Variants in PWWP2A observed in about 807,000 individuals in gnomAD.
PWWP2A encodes the protein PWWP domain containing 2A, also known as PWWP domain-containing protein 2A.
PWWP2A carries 18 observed loss-of-function variants against 48.5 expected under a neutral mutation model. The ratio of observed to expected loss-of-function variants is 0.37; its 90% confidence interval spans 0.26 to 0.55. The LOEUF is 0.55. PWWP2A is among the 20% of genes least tolerant of loss of function. The probability of loss-of-function intolerance (pLI) is 0.81; values close to 1 mark genes in which losing one functional copy is unlikely to be tolerated. For missense variants in PWWP2A, 867 were observed against 976.4 expected (o/e 0.89, Z 1.49); for synonymous variants, 396 against 387.7 (o/e 1.02, Z -0.25).
In PWWP2A at chr5:160,110,473, G is replaced by A. The variant is rs111914747; in HGVS notation, c.584+8332C>T. On this transcript the variant is annotated intron_variant, in intron 1 of 1. Transcript: ENST00000307063. ...TGTAATCCCAGCACTTTGGGAGGCC[G>A]CGGCAGATGGATCACCTAAGGTCGG... Among the ~76,000 whole-genome samples, 537 of 151,938 alleles carry A rather than the reference G, an allele frequency of 3.5e-3. 1 individual carries two copies. The highest frequency in any genetic ancestry group is 0.013 in the African/African-American group (522 of 41,422).
chr5:160,053,526 T>C, the PWWP2A span, among the ~76,000 whole-genome samples: 8 of 152,116 alleles, frequency 5.3e-5, no homozygotes, highest in African/African-American at 1.7e-4. Context: ...ATGATGCCAC[T>C]GCACTCAAGC....
At chr5:160,065,797 G>A (rs895446845) in intron 4 of PWWP2A, among the ~76,000 whole-genome samples, 1 of 152,200 alleles carries the variant, frequency 6.6e-6, no homozygotes, top group Non-Finnish European at 1.5e-5. Context: ...ATCTGTGTTT[G>A]ACCAAATGTT....
downstream of PWWP2A, among the ~76,000 whole-genome samples, chr5:160,074,330 C>T (rs1222346420): frequency 3.3e-5 from 5 of 151,176 alleles, no homozygotes; most frequent in Non-Finnish European, 7.4e-5. Context: ...CCCAGCTATT[C>T]GGGAGGCTGA....
At chr5:160,070,125 C>T (rs1000864604) in intron 2 of PWWP2A, among the ~76,000 whole-genome samples, 13 of 152,130 alleles carry the variant, frequency 8.5e-5, no homozygotes, top group African/African-American at 2.9e-4. Flanking sequence ...TCATTTTACT[C>T]ATGGATCCAT....
In PWWP2A at chr5:160,119,342, C is replaced by T. The variant is rs1338041314; in HGVS notation, c.47G>A (p.Gly16Glu). ...CTCGGCCTCGCCGGCGCCCCCCTCC[C>T]CGGGGGACGCTGCAGTCGCTGCCGC... is the stretch of plus-strand genomic sequence containing the variant. Reference protein sequence around the residue: ...AEAAATAASPGEGGAGEAEPE... With the variant: ...AEAAATAASPEEGGAGEAEPE... Residue 16 changes from glycine (G) to glutamate (E), a missense_variant, in exon 1 of 2, where the codon GGG becomes GAG. Around this residue, in one of 4 missense-constraint regions of PWWP2A, gnomAD observed 385 missense variants for 396.9 expected, o/e 0.97. Coordinates refer to ENST00000307063, the MANE Select transcript of PWWP2A (RefSeq NM_001130864.2). The T allele has an allele frequency of 7.2e-7, 1 of 1,389,066 alleles. No homozygotes were observed. Among genetic ancestry groups the T allele is most frequent in the South Asian group, 1.6e-5 (1 of 62,674 alleles). 86.0% of individuals were successfully genotyped at this position (1,389,066 alleles called of 1,614,324 possible). A position where few individuals can be genotyped will look rare whatever the true frequency, so the allele number is the denominator to read the frequency against.
rs1168608718 is a variant in PWWP2A at position 160,092,708 on chromosome 5, G to A, written c.1942C>T (p.Pro648Ser). ...CCTACACATATGGTCCTGCCATCTGGTGTGACGCATTTAGAGACGTTTTTG... is the reference window on the plus strand; with the variant it reads ...CCTACACATATGGTCCTGCCATCTGATGTGACGCATTTAGAGACGTTTTTG... ...FSKNVSKCVT[P>S]DGRTICVGDI... Residue 648 changes from proline to serine, a missense_variant, in exon 2 of 2, where the codon CCA becomes TCA. Physicochemically the swap from Pro to Ser is moderately conservative, Grantham distance 74 (BLOSUM62 -1). Coordinates refer to ENST00000307063, the MANE Select transcript of PWWP2A (RefSeq NM_001130864.2). The A allele has an allele frequency of 2.6e-6, 4 of 1,551,666 alleles. No individual in the cohort carries two copies. The Admixed American group carries it at 7.8e-5, about 30-fold the overall frequency.
chr5:160,083,005 A>G (rs1480057999), intron 2 of PWWP2A, among the ~76,000 whole-genome samples: 1 of 152,220 alleles, frequency 6.6e-6, no homozygotes, highest in African/African-American at 2.4e-5. Context: ...AAAGCCCACA[A>G]TTAAAAACTA....
At chr5:160,055,017 G>A in the PWWP2A span, among the ~76,000 whole-genome samples, 2 of 152,162 alleles carry the variant, frequency 1.3e-5, no homozygotes. Flanking sequence ...CCTTATGGGA[G>A]GAGTGCCTTC....
At chr5:160,104,138 A>AAAAAAAAAG (rs1756613943) in intron 1 of PWWP2A, among the ~76,000 whole-genome samples, 1 of 150,478 alleles carries the variant, frequency 6.6e-6, no homozygotes, top group Non-Finnish European at 1.5e-5. Flanking sequence ...AAAAAAAAAA[A>AAAAAAAAAG]AAGAAATGAA....
chr5:160,068,142 C>T (rs1753657647), intron 2 of PWWP2A, among the ~76,000 whole-genome samples: 1 of 152,162 alleles, frequency 6.6e-6, no homozygotes, highest in Non-Finnish European at 1.5e-5. Context: ...GATCATGCCA[C>T]TGCAGTCCAG....
chr5:160,061,921 A>C (rs1065118), exon 6 of PWWP2A: 85,571 of 151,596 alleles, frequency 0.56, 24,208 homozygotes, highest in African/African-American at 0.61. Context: ...GGAGCGGGGA[A>C]GTTTTCCACT....
chr5:160,059,214 A>T (rs1424266137), downstream of PWWP2A, among the ~76,000 whole-genome samples: 1 of 152,174 alleles, frequency 6.6e-6, no homozygotes, highest in Non-Finnish European at 1.5e-5. Context: ...CACTAAAAAC[A>T]TGCTTAGTGT....
At chr5:160,064,200 C>T (rs1753527866) in intron 4 of PWWP2A, among the ~76,000 whole-genome samples, 1 of 152,104 alleles carries the variant, frequency 6.6e-6, no homozygotes, top group Non-Finnish European at 1.5e-5. Context: ...AACTCCTGAC[C>T]TCAGGTGATC....
At chr5:160,095,925 CA>C (rs1229860896) in intron 1 of PWWP2A, among the ~76,000 whole-genome samples, 1 of 152,088 alleles carries the variant, frequency 6.6e-6, no homozygotes, top group Non-Finnish European at 1.5e-5. Flanking sequence ...TGAGCTCAAG[CA>C]GTCTGCCCAC....
the PWWP2A span, among the ~76,000 whole-genome samples, chr5:160,053,289 A>T: frequency 8.5e-5 from 13 of 152,286 alleles, no homozygotes; most frequent in African/African-American, 1.9e-4. Flanking sequence ...GCAGTTAAAA[A>T]TTTTTTAAAT....
Position 160,078,059 on chromosome 5 carries a change from T to C in PWWP2A, c.*96A>G. The C allele has an allele frequency of 9.3e-7, 1 of 1,073,810 alleles. No homozygotes were observed. Among genetic ancestry groups the C allele is most frequent in the Non-Finnish European group, 1.4e-6 (1 of 715,372 alleles). 66.5% of individuals were successfully genotyped at this position (1,073,810 alleles called of 1,614,324 possible). On this transcript the variant is annotated 3_prime_UTR_variant, in exon 4 of 4. Coordinates refer to the PWWP2A transcript ENST00000456329. The surrounding 1 kb of genome is among the most constrained non-coding windows in gnomAD (Gnocchi z 4.2). Reference sequence around the variant, plus strand: ...TTTAACCACTGCCTTAACATTTACTTCTTAGTGCAGCTTTAAAAACTCCAA... The same window carrying C: ...TTTAACCACTGCCTTAACATTTACTCCTTAGTGCAGCTTTAAAAACTCCAA...
chr5:160,050,510 C>CATCTGATATGT, the PWWP2A span, among the ~76,000 whole-genome samples: 7 of 152,036 alleles, frequency 4.6e-5, no homozygotes, highest in East Asian at 1.4e-3. Flanking sequence ...GCACTGTAAA[C>CATCTGATATGT]ATCTGATATG....
At chr5:160,055,865 A>G in the PWWP2A span, among the ~76,000 whole-genome samples, 1 of 152,264 alleles carries the variant, frequency 6.6e-6, no homozygotes, top group African/African-American at 2.4e-5. Flanking sequence ...GAGAAAAACT[A>G]GAAAGCAAAT....
At chr5:160,074,766 C>A (rs954126865), downstream of PWWP2A, among the ~76,000 whole-genome samples, 10 of 148,740 alleles carry the variant, frequency 6.7e-5, no homozygotes, top group East Asian at 9.8e-4. Flanking sequence ...AAAAAAAAAA[C>A]AAAAAAAACC....
Sources: allele counts gnomAD v4.1 joint callset (sites outside exome capture counted in the v4.1 genomes callset), GRCh38; gene constraint gnomAD v4.1.1; regional missense constraint gnomAD v4.1.1; non-coding constraint Gnocchi (gnomAD v3.1); transcripts MANE v1.5; gene names NCBI Gene and HGNC (gene_info 2026-07-23, HGNC 2026-07-21).